Variants in INPP4B observed in about 807,000 individuals in gnomAD.
INPP4B encodes the protein inositol polyphosphate-4-phosphatase type II B, also known as inositol polyphosphate 4-phosphatase type II.
Under a neutral mutation model 122.5 loss-of-function variants are expected in INPP4B, and 55 were observed. The ratio of observed to expected loss-of-function variants is 0.45; its 90% CI spans 0.36 to 0.56. INPP4B has a LOEUF of 0.56. INPP4B is among the 20% of genes least tolerant of loss of function. INPP4B has a pLI of 0.00. For synonymous variants in INPP4B, 403 were observed against 388.7 expected, an observed-to-expected ratio of 1.04 and a Z score of -0.43; for missense variants, 1,000 against 1,097.7, an observed-to-expected ratio of 0.91 and a Z score of 1.26.
intron 1 of INPP4B, among the ~76,000 whole-genome samples, chr4:142,733,956 A>T (rs924608203): frequency 2.0e-5 from 3 of 152,252 alleles, no homozygotes; most frequent in African/African-American, 7.2e-5. Flanking sequence ...TGAATATCAC[A>T]AACCATGTTA....
At chr4:142,333,859 A>G (rs149643741) in intron 7 of INPP4B, among the ~76,000 whole-genome samples, 1 of 152,282 alleles carries the variant, frequency 6.6e-6, no homozygotes, top group East Asian at 1.9e-4. Context: ...CACCTTAGTT[A>G]CCTTTTTGTG....
At chr4:142,710,521 T>A (rs11936621) in intron 2 of INPP4B, among the ~76,000 whole-genome samples, 9,576 of 152,182 alleles carry the variant, frequency 0.063, 1,010 homozygotes, top group African/African-American at 0.22. Flanking sequence ...AGCATTTTTT[T>A]AAAAAGATAA....
At chr4:142,183,508 A>T (rs1831783799) in intron 15 of INPP4B, among the ~76,000 whole-genome samples, 3 of 152,198 alleles carry the variant, frequency 2.0e-5, no homozygotes, top group Non-Finnish European at 4.4e-5. Flanking sequence ...CTTAGCTTTC[A>T]AAGCTCTGAA....
chr4:142,732,419 T>C (rs1325756887), intron 1 of INPP4B, among the ~76,000 whole-genome samples: 1 of 152,044 alleles, frequency 6.6e-6, no homozygotes, highest in East Asian at 1.9e-4. Flanking sequence ...TTTTAATAAA[T>C]GATGAAATAC....
chr4:142,023,233 T>C lies in INPP4B; in HGVS notation c.*5549A>G, dbSNP rs973319092. ...AATGAATATGGTTTACACAGAACAA[T>C]AAAACAAAAATGATATCTCTTAAAT... On this transcript the variant is annotated 3_prime_UTR_variant, in exon 26 of 26. Transcript: ENST00000262992. The C allele has an allele frequency of 1.3e-5, 2 of 151,998 alleles. No individual in the cohort carries two copies. The highest frequency in any genetic ancestry group is 2.9e-5 in the Non-Finnish European group (2 of 67,926). 9.4% of individuals were successfully genotyped at this position (151,998 alleles called of 1,614,324 possible).
chr4:142,128,616 G>C (rs141389901), intron 18 of INPP4B, among the ~76,000 whole-genome samples: 2 of 152,064 alleles, frequency 1.3e-5, no homozygotes, highest in Admixed American at 6.6e-5. Flanking sequence ...ATCTTTCCTC[G>C]GGAAAACATA....
chr4:142,547,639 T>C (rs1016306794), intron 2 of INPP4B, among the ~76,000 whole-genome samples: 2 of 152,178 alleles, frequency 1.3e-5, no homozygotes, highest in African/African-American at 4.8e-5. Flanking sequence ...GAAGGTTAAG[T>C]GACTTGGCTG....
At chr4:142,571,227 C>G (rs1259800558) in intron 2 of INPP4B, among the ~76,000 whole-genome samples, 3 of 151,932 alleles carry the variant, frequency 2.0e-5, no homozygotes, top group Non-Finnish European at 4.4e-5. Flanking sequence ...TCCTCCCACT[C>G]ATTTTTAATC....
intron 1 of INPP4B, among the ~76,000 whole-genome samples, chr4:142,757,695 C>A (rs998005367): frequency 6.6e-6 from 1 of 151,558 alleles, no homozygotes; most frequent in Non-Finnish European, 1.5e-5. Context: ...CTGAAAGGCA[C>A]CTTGGTTGCT....
chr4:142,108,591 A>G (rs535230917), intron 22 of INPP4B, among the ~76,000 whole-genome samples: 1 of 152,214 alleles, frequency 6.6e-6, no homozygotes, highest in African/African-American at 2.4e-5. Context: ...GTGGCAGCTG[A>G]GGGAGGGGAC....
At chr4:142,738,793 G>A (rs999255028) in intron 1 of INPP4B, among the ~76,000 whole-genome samples, 10 of 152,006 alleles carry the variant, frequency 6.6e-5, no homozygotes, top group African/African-American at 9.7e-5. Flanking sequence ...GTCTATGAGC[G>A]TTCCTAAGTT....
chr4:142,652,083 C>T (rs537083534), intron 2 of INPP4B, among the ~76,000 whole-genome samples: 41 of 152,206 alleles, frequency 2.7e-4, no homozygotes, highest in African/African-American at 8.9e-4. Flanking sequence ...AATCAATAAA[C>T]GTAATCCATC....
chr4:142,085,507 G>A lies in INPP4B; in HGVS notation c.2487+637C>T, dbSNP rs565091787. On this transcript the variant is annotated intron_variant, in intron 24 of 25. Coordinates refer to ENST00000262992, the MANE Select transcript of INPP4B (RefSeq NM_001101669.3). ...AATTTCATGTGAGCTATGCCTCAAC[G>A]GTTACCAGATAAGAGCCTTAAAAAT... 9.9e-5 allele frequency among the ~76,000 whole-genome samples: 15 copies of A among 152,224 alleles called. 1 individual carries two copies. The highest frequency in any genetic ancestry group is 8.3e-4 in the South Asian group (4 of 4,826).
At chr4:142,769,035 G>A (rs894600170) in intron 1 of INPP4B, among the ~76,000 whole-genome samples, 5 of 152,164 alleles carry the variant, frequency 3.3e-5, no homozygotes, top group African/African-American at 1.2e-4. Flanking sequence ...ATCTGGAAGA[G>A]TGGTAGTGAA....
chr4:142,147,513 CT>C (rs1189805866), intron 17 of INPP4B, among the ~76,000 whole-genome samples: 1 of 152,128 alleles, frequency 6.6e-6, no homozygotes. Flanking sequence ...AAAGTACTTC[CT>C]CCCTGGGGAA....
At chr4:142,795,931 C>T (rs1777180463) in intron 1 of INPP4B, among the ~76,000 whole-genome samples, 1 of 151,892 alleles carries the variant, frequency 6.6e-6, no homozygotes, top group Non-Finnish European at 1.5e-5. Flanking sequence ...AATAAGCCTC[C>T]TATATTTTCT....
At chr4:142,028,958 A>C in intron 25 of INPP4B, 44 bp from the exon 26 acceptor site, 1 of 1,585,986 alleles carries the variant, frequency 6.3e-7, no homozygotes, top group African/African-American at 1.4e-5. Context: ...ACACAGAATA[A>C]ATAAATATGC....
chr4:142,622,868 T>A lies in INPP4B; in HGVS notation c.-191+102971A>T, dbSNP rs1014320750. Among the ~76,000 whole-genome samples, 8 of 152,026 alleles carry A rather than the reference T, an allele frequency of 5.3e-5. No homozygotes were observed. In the East Asian group the frequency reaches 1.5e-3, roughly 29 times the overall value. The stretch of plus-strand genomic sequence containing the variant: ...TTATTGAGATGTAATTCACATATTG[T>A]AAGATTCACCCATTTAAAGCATACA... On this transcript the variant is annotated intron_variant, in intron 2 of 25. Coordinates refer to ENST00000262992, the MANE Select transcript of INPP4B (RefSeq NM_001101669.3).
Position 142,028,710 on chromosome 4 carries a change from CA to C in INPP4B, c.*71del, listed in dbSNP as rs1189266648. On this transcript the variant is annotated 3_prime_UTR_variant, in exon 26 of 26. Transcript: ENST00000262992. ...ACAAATTCATGACAATAAAAACAAACAAAAAAGACCAAGGTGAAGATTATCC... is the reference window on the plus strand; with the variant it reads ...ACAAATTCATGACAATAAAAACAAACAAAAAGACCAAGGTGAAGATTATCC... 1 of 1,490,054 alleles carries C rather than the reference CA, an allele frequency of 6.7e-7. No homozygotes were observed. Among genetic ancestry groups the C allele is most frequent in the South Asian group, 1.3e-5 (1 of 76,042 alleles). 92.3% of individuals were successfully genotyped at this position (1,490,054 alleles called of 1,614,324 possible). A position where few individuals can be genotyped will look rare whatever the true frequency, so the allele number is the denominator to read the frequency against.
Sources: gnomAD v4.1 joint callset for allele counts (sites outside exome capture counted in the v4.1 genomes callset) on GRCh38, gnomAD v4.1.1 for gene constraint, MANE v1.5 for transcripts, NCBI Gene and HGNC (gene_info 2026-07-23, HGNC 2026-07-21) for gene names.